The following TENM2 variants were observed in gnomAD, a reference collection of about 807,000 sequenced individuals.
TENM2 encodes teneurin-2.
A neutral mutation model predicts 245.2 loss-of-function variants in TENM2; 52 were observed. That is an observed-to-expected ratio of 0.21 (90% CI 0.17 to 0.27). The LOEUF (loss-of-function observed/expected upper bound fraction) is 0.27, where lower values mean the gene tolerates loss of function less well. TENM2 is among the 10% of genes least tolerant of loss of function. The pLI is 1.00. For synonymous variants in TENM2, 1,363 were observed against 1,438.9 expected, an observed-to-expected ratio of 0.95 and a Z score of 1.19; for missense variants, 3,046 against 3,666.8, an observed-to-expected ratio of 0.83 and a Z score of 4.37.
At chr5:166,999,639 G>A in the TENM2 span, among the ~76,000 whole-genome samples, 1 of 152,152 alleles carries the variant, frequency 6.6e-6, no homozygotes, top group Non-Finnish European at 1.5e-5. Context: ...GGGAAGGAAA[G>A]GAGGAAGAGC....
chr5:167,190,000 A>T, the TENM2 span, among the ~76,000 whole-genome samples: 1 of 152,110 alleles, frequency 6.6e-6, no homozygotes, highest in South Asian at 2.1e-4. Context: ...AACTCCTAAT[A>T]GGGCACCTTT....
At chr5:168,262,567 C>T (rs781070079) in exon 29 of TENM2, 72 of 1,563,708 alleles carry the variant, frequency 4.6e-5, no homozygotes, top group Middle Eastern at 1.7e-4. Context: ...AGAAGGCCCG[C>T]GTCCTGGACC....
intron 5 of TENM2, among the ~76,000 whole-genome samples, chr5:168,000,416 G>A (rs374200184): frequency 1.1e-4 from 16 of 152,336 alleles, no homozygotes; most frequent in East Asian, 9.6e-4. Flanking sequence ...TGGTGTCAGA[G>A]AGGGCTGTGT....
intron 2 of TENM2, among the ~76,000 whole-genome samples, chr5:167,556,074 C>T (rs1169232556): frequency 3.3e-5 from 5 of 152,104 alleles, no homozygotes; most frequent in Admixed American, 3.3e-4. Context: ...TTCCCTTTCT[C>T]CTGTCTCCAT....
the TENM2 span, among the ~76,000 whole-genome samples, chr5:167,255,165 C>G: frequency 6.6e-6 from 1 of 151,352 alleles, no homozygotes; most frequent in Admixed American, 6.6e-5. Flanking sequence ...AACTTAGTCC[C>G]TAATTCTGTC....
chr5:167,086,862 C>T, the TENM2 span, among the ~76,000 whole-genome samples: 1 of 151,314 alleles, frequency 6.6e-6, no homozygotes, highest in African/African-American at 2.4e-5. Flanking sequence ...GACTATAAAG[C>T]TTTTTATCAG....
chr5:167,083,755 C>A, the TENM2 span, among the ~76,000 whole-genome samples: 2 of 152,154 alleles, frequency 1.3e-5, no homozygotes, highest in Admixed American at 1.3e-4. Flanking sequence ...AGGAACAAAT[C>A]AGTTTGACTC....
rs77262611 is a variant in TENM2 at position 167,904,557 on chromosome 5, A to C, written c.712+28362A>C. On this transcript the variant is annotated intron_variant, in intron 3 of 28. Coordinates refer to ENST00000518659, the Ensembl canonical transcript of TENM2. The stretch of plus-strand genomic sequence containing the variant: ...CACGCTGGATACTGATCGAGCTTGC[A>C]TGCTTGTATGAGTTACAATGCCCAG... 2.5e-4 allele frequency among the ~76,000 whole-genome samples: 38 copies of C among 152,316 alleles called. 1 individual carries two copies. Among genetic ancestry groups the C allele is most frequent in the African/African-American group, 8.9e-4 (37 of 41,568 alleles).
At chr5:167,120,101 G>T in the TENM2 span, among the ~76,000 whole-genome samples, 27 of 152,276 alleles carry the variant, frequency 1.8e-4, 1 homozygote, top group Non-Finnish European at 3.2e-4. Flanking sequence ...AGGCTAGGCA[G>T]GATGGTGAAG....
In TENM2 at chr5:168,162,607, C is replaced by G; in HGVS notation, c.2423-4C>G. On this transcript the variant is annotated splice_region_variant and splice_polypyrimidine_tract_variant and intron_variant, in intron 12 of 28. Coordinates refer to ENST00000518659, the Ensembl canonical transcript of TENM2. ...CTTCTCATCCTCTCCATTTCTCCAA[C>G]CAGATGGCTGCCCTGACTTGTGCAA... The G allele has an allele frequency of 1.9e-6, 3 of 1,613,398 alleles. No homozygotes were observed. The highest frequency in any genetic ancestry group is 2.5e-6 in the Non-Finnish European group (3 of 1,179,432).
chr5:168,197,921 A>G lies in TENM2; in HGVS notation c.2901-932A>G, dbSNP rs116599027. Among the ~76,000 whole-genome samples the G allele has an allele frequency of 4.9e-3, 741 of 152,340 alleles. 6 individuals carry two copies. Among genetic ancestry groups the G allele is most frequent in the African/African-American group, 0.017 (711 of 41,594 alleles). ...ATCAGCCACAGAGCAGAGGCTGATTAGAAGAATGCTGTAATGAGCTCCTCT... is the reference window on the plus strand; with the variant it reads ...ATCAGCCACAGAGCAGAGGCTGATTGGAAGAATGCTGTAATGAGCTCCTCT... On this transcript the variant is annotated intron_variant, in intron 15 of 28. Coordinates refer to ENST00000518659, the Ensembl canonical transcript of TENM2.
chr5:167,048,894 T>A, the TENM2 span, among the ~76,000 whole-genome samples: 1 of 152,218 alleles, frequency 6.6e-6, no homozygotes, highest in East Asian at 1.9e-4. Context: ...TTTGATTTGT[T>A]TTCCTTTGAA....
chr5:167,289,723 A>C (rs952932977), intron 1 of TENM2, among the ~76,000 whole-genome samples: 13 of 152,228 alleles, frequency 8.5e-5, no homozygotes, highest in Non-Finnish European at 1.8e-4. Flanking sequence ...AGTGTTAATG[A>C]GCTGAAAACT....
intron 12 of TENM2, among the ~76,000 whole-genome samples, chr5:168,152,243 T>C (rs1181951837): frequency 1.3e-5 from 2 of 152,218 alleles, no homozygotes; most frequent in Non-Finnish European, 2.9e-5. Context: ...TTTGTGGCTA[T>C]TCTATAAAAA....
chr5:167,371,253 G>C (rs978316378), intron 1 of TENM2, among the ~76,000 whole-genome samples: 8 of 151,248 alleles, frequency 5.3e-5, no homozygotes, highest in Non-Finnish European at 1.0e-4. Context: ...GGCTGTGAAG[G>C]CATGAGGCTT....
chr5:167,196,620 A>G, the TENM2 span, among the ~76,000 whole-genome samples: 1 of 151,312 alleles, frequency 6.6e-6, no homozygotes. Flanking sequence ...ATTCTGATCA[A>G]TATACAGTCA....
chr5:167,308,220 T>C (rs1755794869), intron 1 of TENM2, among the ~76,000 whole-genome samples: 1 of 152,278 alleles, frequency 6.6e-6, no homozygotes. Flanking sequence ...AAGCACAGAA[T>C]TTGAAGCAGG....
intron 2 of TENM2, among the ~76,000 whole-genome samples, chr5:167,615,194 C>A (rs977891058): frequency 6.6e-6 from 1 of 152,022 alleles, no homozygotes; most frequent in Non-Finnish European, 1.5e-5. Flanking sequence ...TCTGGACTGT[C>A]CTGTTACCGT....
intron 2 of TENM2, 70 bp downstream of exon 4, chr5:167,375,543 T>A: frequency 6.9e-7 from 1 of 1,457,956 alleles, no homozygotes; most frequent in Non-Finnish European, 9.3e-7. Flanking sequence ...AATGTTTTTG[T>A]TTTTTAATGA....
Sources: allele counts gnomAD v4.1 joint callset (sites outside exome capture counted in the v4.1 genomes callset), GRCh38; gene constraint gnomAD v4.1.1; transcripts MANE v1.5; gene names NCBI Gene and HGNC (gene_info 2026-07-23, HGNC 2026-07-21).